Variants in TBC1D12 observed in about 807,000 individuals in gnomAD.
TBC1D12 encodes TBC1 domain family member 12, also known as TBC1 domain family, member 12.
A neutral mutation model predicts 86.7 loss-of-function variants in TBC1D12; 56 were observed. The observed-to-expected ratio is 0.65, with a 90% CI of 0.52 to 0.81. The LOEUF (loss-of-function observed/expected upper bound fraction) is 0.81, where lower values mean the gene tolerates loss of function less well. Among genes scored for constraint, TBC1D12 ranks in the 30% least tolerant of loss-of-function variants. The probability of loss-of-function intolerance (pLI) is 0.00; values close to 1 mark genes in which losing one functional copy is unlikely to be tolerated. For synonymous variants in TBC1D12, 421 were observed against 411.7 expected (o/e 1.02, Z -0.27); for missense variants, 1,023 against 1,038.8 (o/e 0.98, Z 0.21).
At chr10:94,453,517 A>G (rs1476084806) in intron 2 of TBC1D12, among the ~76,000 whole-genome samples, 2 of 152,300 alleles carry the variant, frequency 1.3e-5, no homozygotes, top group East Asian at 3.9e-4. Context: ...ATAAATTTAT[A>G]AAGTTTATAA....
chr10:94,490,315 A>G (rs1195122538), intron 3 of TBC1D12, among the ~76,000 whole-genome samples: 1 of 152,218 alleles, frequency 6.6e-6, no homozygotes, highest in Non-Finnish European at 1.5e-5. Context: ...GAGACACACA[A>G]TGAGCACATT....
intron 1 of TBC1D12, among the ~76,000 whole-genome samples, chr10:94,435,141 T>C (rs2055276684): frequency 6.6e-6 from 1 of 152,224 alleles, no homozygotes; most frequent in South Asian, 2.1e-4. Context: ...GTTTTTGCTC[T>C]TTTGAACAGT....
Position 94,441,923 on chromosome 10 carries a change from A to G in TBC1D12, c.999A>G (p.Glu333=). ...TRNLFPKRTK[E]LKSVVHSAPG... ...ACCTTTTTCCAAAAAGGACAAAGGA[A>G]CTCAAATCAGTTGTCCATAGTGCTC... is the stretch of plus-strand genomic sequence containing the variant. The change falls in exon 2 of 13, where the codon GAA becomes GAG. Residue 333 remains glutamate, a synonymous_variant. Transcript: ENST00000225235. The G allele has an allele frequency of 6.2e-7, 1 of 1,613,060 alleles. No individual in the cohort carries two copies. The highest frequency in any genetic ancestry group is 8.5e-7 in the Non-Finnish European group (1 of 1,179,564).
At position 94,441,774 on chromosome 10, in the gene TBC1D12, A is replaced by T; in HGVS notation, c.972-122A>T. The T allele has an allele frequency of 4.3e-6, 4 of 926,912 alleles. No individual in the cohort carries two copies. In the South Asian group the frequency reaches 5.3e-5, roughly 12 times the overall value. The allele number at this position is 926,912 out of a possible 1,614,324, so 57.4% of individuals were successfully genotyped here. On this transcript the variant is annotated intron_variant, in intron 1 of 12. Coordinates refer to ENST00000225235, the MANE Select transcript of TBC1D12 (RefSeq NM_015188.2). ...TCTAAGTAATAGTGGTATAAGTAGT[A>T]GAAATAGTTTTATTTAAAAGTATTT...
At chr10:94,432,906 A>G (rs1474657200) in intron 1 of TBC1D12, among the ~76,000 whole-genome samples, 2 of 152,130 alleles carry the variant, frequency 1.3e-5, no homozygotes, top group African/African-American at 4.8e-5. Flanking sequence ...TTGGAAGTCC[A>G]AAATATCCTT....
chr10:94,411,888 G>A (rs2054933131), intron 1 of TBC1D12, among the ~76,000 whole-genome samples: 1 of 152,190 alleles, frequency 6.6e-6, no homozygotes, highest in Admixed American at 6.5e-5. Flanking sequence ...AGCCAGCGAG[G>A]TCGGGGCTGC....
At chr10:94,446,388 G>A (rs2055462566) in intron 2 of TBC1D12, among the ~76,000 whole-genome samples, 1 of 152,142 alleles carries the variant, frequency 6.6e-6, no homozygotes, top group South Asian at 2.1e-4. Flanking sequence ...GAGGTAGCTG[G>A]TAATTTAGGT....
chr10:94,411,198 G>T (rs980578703), intron 1 of TBC1D12, among the ~76,000 whole-genome samples: 2 of 152,138 alleles, frequency 1.3e-5, no homozygotes, highest in African/African-American at 4.8e-5. Flanking sequence ...ATGGCACAGT[G>T]CATCAGCTCT....
chr10:94,418,555 C>CTATTAT lies in TBC1D12; in HGVS notation c.971+14993_971+14998dup, dbSNP rs147676016. On this transcript the variant is annotated intron_variant, in intron 1 of 12. Coordinates refer to ENST00000225235, the MANE Select transcript of TBC1D12 (RefSeq NM_015188.2). Reference sequence around the variant, plus strand: ...CGCCTTCAATCTTTTATACTTTGGTCTATTATTATTATTATTATTATTATT... The same window carrying CTATTAT: ...CGCCTTCAATCTTTTATACTTTGGTCTATTATTATTATTATTATTATTATTATTATT... Among the ~76,000 whole-genome samples the CTATTAT allele has an allele frequency of 3.6e-3, 540 of 149,596 alleles. 10 individuals carry two copies. In the East Asian group the frequency reaches 0.058, roughly 16 times the overall value.
chr10:94,514,117 T>C (rs529906109), intron 9 of TBC1D12, among the ~76,000 whole-genome samples: 3 of 150,734 alleles, frequency 2.0e-5, no homozygotes, highest in Admixed American at 6.6e-5. Flanking sequence ...ATCCCAGGCA[T>C]GTAATCCCAG....
intron 9 of TBC1D12, among the ~76,000 whole-genome samples, chr10:94,515,461 C>T (rs1003545551): frequency 3.3e-5 from 5 of 151,920 alleles, no homozygotes; most frequent in Admixed American, 2.6e-4. Flanking sequence ...AATTCTCCTG[C>T]CTCAGCCTCC....
intron 9 of TBC1D12, among the ~76,000 whole-genome samples, chr10:94,514,112 A>T (rs1217077893): frequency 6.6e-6 from 1 of 151,368 alleles, no homozygotes; most frequent in Non-Finnish European, 1.5e-5. Context: ...ATGTAATCCC[A>T]GGCATGTAAT....
chr10:94,424,980 A>G (rs1252456169), intron 1 of TBC1D12, among the ~76,000 whole-genome samples: 2 of 152,188 alleles, frequency 1.3e-5, no homozygotes, highest in Admixed American at 6.5e-5. Context: ...CACCTTGAGG[A>G]AATGGGAAAA....
At chr10:94,431,074 C>G (rs146533847) in intron 1 of TBC1D12, among the ~76,000 whole-genome samples, 3 of 152,160 alleles carry the variant, frequency 2.0e-5, no homozygotes, top group Admixed American at 2.0e-4. Context: ...TTAACACTAC[C>G]ATTCCCTGTT....
chr10:94,512,884 G>A (rs1171866755), intron 9 of TBC1D12, among the ~76,000 whole-genome samples: 1 of 152,138 alleles, frequency 6.6e-6, no homozygotes, highest in African/African-American at 2.4e-5. Flanking sequence ...GTTTTTCATC[G>A]TAAGTTTACT....
intron 1 of TBC1D12, among the ~76,000 whole-genome samples, chr10:94,420,773 T>C (rs1277314654): frequency 1.3e-5 from 2 of 152,212 alleles, no homozygotes; most frequent in African/African-American, 4.8e-5. Context: ...CTGGTGGACA[T>C]TTGGGTGGTT....
rs575008703 is a variant in TBC1D12 at position 94,530,945 on chromosome 10, C to T, written c.2001-257C>T. On this transcript the variant is annotated intron_variant, in intron 11 of 12. Transcript: ENST00000225235. Reference sequence around the variant, plus strand: ...CACGATCTCAGCTCGCTGCAACCTCCGCCTCCTGGGTTCGAGCGATTCTCC... The same window carrying T: ...CACGATCTCAGCTCGCTGCAACCTCTGCCTCCTGGGTTCGAGCGATTCTCC... Among the ~76,000 whole-genome samples the T allele has an allele frequency of 4.6e-5, 7 of 150,900 alleles. No individual in the cohort carries two copies. The East Asian group carries it at 1.2e-3, about 25-fold the overall frequency.
At chr10:94,469,315 G>A (rs2055868828) in intron 2 of TBC1D12, among the ~76,000 whole-genome samples, 1 of 152,092 alleles carries the variant, frequency 6.6e-6, no homozygotes, top group Admixed American at 6.5e-5. Flanking sequence ...TTTGCTTGTA[G>A]CTCCTCAGGT....
intron 1 of TBC1D12, among the ~76,000 whole-genome samples, chr10:94,406,627 A>C (rs2054856847): frequency 6.6e-6 from 1 of 152,140 alleles, no homozygotes; most frequent in South Asian, 2.1e-4. Context: ...TTTGAGCAGA[A>C]TCTCCATCCT....
Sources: allele counts gnomAD v4.1 joint callset (sites outside exome capture counted in the v4.1 genomes callset), GRCh38; gene constraint gnomAD v4.1.1; transcripts MANE v1.5; gene names NCBI Gene and HGNC (gene_info 2026-07-23, HGNC 2026-07-21).